SMARCC1: variants seen among roughly 807,000 people sequenced by gnomAD.
SMARCC1 encodes SWI/SNF related BAF chromatin remodeling complex subunit C1, also known as SWI/SNF complex subunit SMARCC1.
In SMARCC1, 43 loss-of-function variants were observed where a neutral mutation model predicts 147.4. That is an observed-to-expected ratio of 0.29 (90% CI 0.23 to 0.38). SMARCC1 has a LOEUF of 0.38. Among genes scored for constraint, SMARCC1 ranks in the 10% least tolerant of loss-of-function variants. The pLI, the probability that SMARCC1 is intolerant of heterozygous loss-of-function variation, is 1.00. For synonymous variants in SMARCC1, 495 were observed against 484.4 expected, an observed-to-expected ratio of 1.02 and a Z score of -0.29; for missense variants, 1,119 against 1,381.1, an observed-to-expected ratio of 0.81 and a Z score of 3.01.
intron 13 of SMARCC1, among the ~76,000 whole-genome samples, chr3:47,687,877 T>C (rs1576411816): frequency 1.3e-5 from 2 of 152,180 alleles, no homozygotes; most frequent in Non-Finnish European, 2.9e-5. Flanking sequence ...AATCCTCCCA[T>C]CTCAGCTTTC....
intron 7 of SMARCC1, among the ~76,000 whole-genome samples, chr3:47,718,138 C>CAAAA (rs71070217): frequency 5.6e-5 from 3 of 53,666 alleles, no homozygotes; most frequent in African/African-American, 8.0e-5. Flanking sequence ...GACCTTGTCT[C>CAAAA]AAAAAAAAAA....
intron 26 of SMARCC1, among the ~76,000 whole-genome samples, chr3:47,596,499 G>A (rs185876394): frequency 1.1e-4 from 16 of 151,718 alleles, no homozygotes; most frequent in African/African-American, 2.4e-4. Context: ...CGTGGGAGGC[G>A]GAGGTTGCAG....
chr3:47,728,582 C>A (rs905774956), intron 6 of SMARCC1, among the ~76,000 whole-genome samples: 2 of 152,048 alleles, frequency 1.3e-5, no homozygotes, highest in African/African-American at 4.8e-5. Context: ...AATAAATGTT[C>A]CTCTAGGCAC....
chr3:47,652,634 A>AAC (rs1187736833), intron 21 of SMARCC1, among the ~76,000 whole-genome samples: 1 of 151,744 alleles, frequency 6.6e-6, no homozygotes, highest in Non-Finnish European at 1.5e-5. Context: ...AAAAAAAAAA[A>AAC]AAAAAAGTTA....
At chr3:47,656,003 G>T (rs1390566537) in intron 21 of SMARCC1, among the ~76,000 whole-genome samples, 1 of 151,938 alleles carries the variant, frequency 6.6e-6, no homozygotes, top group South Asian at 2.1e-4. Context: ...ACAAGGTCAG[G>T]AGTTCGAGAC....
intron 5 of SMARCC1, among the ~76,000 whole-genome samples, chr3:47,731,608 C>A (rs1248075139): frequency 3.9e-5 from 6 of 152,174 alleles, no homozygotes; most frequent in Non-Finnish European, 8.8e-5. Flanking sequence ...AGTCAAAATA[C>A]TCCTTAAAAC....
chr3:47,779,479 G>A (rs574671736), intron 1 of SMARCC1, among the ~76,000 whole-genome samples: 4 of 152,256 alleles, frequency 2.6e-5, no homozygotes, highest in South Asian at 2.1e-4. Context: ...CAGGCCTAGG[G>A]TATATACGTT....
At chr3:47,705,726 G>T (rs2033984185) in intron 10 of SMARCC1, among the ~76,000 whole-genome samples, 1 of 152,088 alleles carries the variant, frequency 6.6e-6, no homozygotes, top group South Asian at 2.1e-4. Flanking sequence ...AACCATAATT[G>T]TCTTGCCAAG....
At chr3:47,716,934 A>T (rs941312810) in intron 7 of SMARCC1, among the ~76,000 whole-genome samples, 4 of 152,174 alleles carry the variant, frequency 2.6e-5, no homozygotes, top group African/African-American at 7.2e-5. Flanking sequence ...ACATATTTTT[A>T]AAAAGTAAAA....
At chr3:47,692,924 A>G (rs1309612312) in intron 12 of SMARCC1, among the ~76,000 whole-genome samples, 1 of 152,166 alleles carries the variant, frequency 6.6e-6, no homozygotes, top group Admixed American at 6.6e-5. Flanking sequence ...AGGCTGAGAC[A>G]GGAGAATCAC....
chr3:47,743,658 C>T (rs983028579), intron 3 of SMARCC1, among the ~76,000 whole-genome samples: 1 of 151,688 alleles, frequency 6.6e-6, no homozygotes, highest in Non-Finnish European at 1.5e-5. Flanking sequence ...ACTAAAAATA[C>T]AAAAATTAGC....
chr3:47,780,943 A>C (rs1161714935), intron 1 of SMARCC1, among the ~76,000 whole-genome samples: 2 of 152,258 alleles, frequency 1.3e-5, no homozygotes, highest in African/African-American at 2.4e-5. Flanking sequence ...GAATAATTTC[A>C]AAATGTGGTA....
At chr3:47,607,314 G>C (rs2032491135) in intron 26 of SMARCC1, among the ~76,000 whole-genome samples, 1 of 152,152 alleles carries the variant, frequency 6.6e-6, no homozygotes, top group Admixed American at 6.6e-5. Context: ...GCTTCCCAAA[G>C]TAAACTTAGC....
At chr3:47,781,488 T>C (rs2035047580) in intron 1 of SMARCC1, 115 bp downstream of exon 1, 1 of 669,480 alleles carries the variant, frequency 1.5e-6, no homozygotes, top group Non-Finnish European at 2.1e-6. Context: ...GGCGCCTGCC[T>C]TTGTTGTCCC....
chr3:47,658,747 C>T (rs923062441), intron 21 of SMARCC1, among the ~76,000 whole-genome samples: 7 of 152,024 alleles, frequency 4.6e-5, no homozygotes, highest in Non-Finnish European at 7.4e-5. Flanking sequence ...CTACATGAAA[C>T]GAATAAATTC....
At chr3:47,642,121 A>G (rs995382904) in intron 21 of SMARCC1, among the ~76,000 whole-genome samples, 6 of 152,204 alleles carry the variant, frequency 3.9e-5, no homozygotes, top group Admixed American at 6.5e-5. Context: ...CTTCATTAAA[A>G]GACTCCAAAA....
intron 1 of SMARCC1, among the ~76,000 whole-genome samples, chr3:47,780,682 G>C (rs1287821921): frequency 6.6e-6 from 1 of 152,202 alleles, no homozygotes; most frequent in Non-Finnish European, 1.5e-5. Flanking sequence ...CAAAGCCCTT[G>C]CTTCAGTGCT....
chr3:47,661,269 T>C, intron 21 of SMARCC1, 25 bp downstream of exon 21: 1 of 1,586,170 alleles, frequency 6.3e-7, no homozygotes, highest in Non-Finnish European at 8.6e-7. Context: ...ATTAACCCTG[T>C]CCCTTAAAAG....
At chr3:47,714,603 G>C (rs377606344) in intron 7 of SMARCC1, 113 bp from the exon 8 acceptor site, 1 of 620,976 alleles carries the variant, frequency 1.6e-6, no homozygotes, top group Non-Finnish European at 2.9e-6. Context: ...TCCCAGCCTG[G>C]TCAACATGGT....
Sources: gnomAD v4.1 joint callset for allele counts (sites outside exome capture counted in the v4.1 genomes callset) on GRCh38, gnomAD v4.1.1 for gene constraint, MANE v1.5 for transcripts, NCBI Gene and HGNC (gene_info 2026-07-23, HGNC 2026-07-21) for gene names.